Variants in CDK5RAP2 observed in about 807,000 individuals in gnomAD.
CDK5RAP2 encodes the protein CDK5 regulatory subunit associated protein 2.
CDK5RAP2 carries 147 observed loss-of-function variants against 232.9 expected under a neutral mutation model. The observed-to-expected ratio is 0.63, with a 90% confidence interval of 0.55 to 0.72. The LOEUF is 0.72. Among genes scored for constraint, CDK5RAP2 ranks in the 30% least tolerant of loss-of-function variants. The pLI is 0.00. For synonymous variants in CDK5RAP2, 833 were observed against 833.7 expected, an observed-to-expected ratio of 1.00 and a Z score of 0.01; for missense variants, 2,195 against 2,231.5, an observed-to-expected ratio of 0.98 and a Z score of 0.33.
chr9:120,465,149 A>G (rs982006548), intron 18 of CDK5RAP2, among the ~76,000 whole-genome samples: 1 of 152,202 alleles, frequency 6.6e-6, no homozygotes, highest in Non-Finnish European at 1.5e-5. Flanking sequence ...AATAGTGACT[A>G]ACCCTTTCGA....
intron 37 of CDK5RAP2, 129 bp from the exon 38 acceptor site, chr9:120,389,421 T>C (rs764363793): frequency 3.0e-4 from 227 of 757,236 alleles, no homozygotes; most frequent in Admixed American, 7.3e-4. Flanking sequence ...GGTCAGTAAA[T>C]ATTTACCTAA....
chr9:120,482,766 G>T (rs1282443082), intron 14 of CDK5RAP2, among the ~76,000 whole-genome samples: 1 of 152,300 alleles, frequency 6.6e-6, no homozygotes, highest in Non-Finnish European at 1.5e-5. Flanking sequence ...CTCAGAGACC[G>T]ATATGAATCT....
chr9:120,570,788 G>A (rs1002456729), intron 2 of CDK5RAP2, among the ~76,000 whole-genome samples: 17 of 151,720 alleles, frequency 1.1e-4, no homozygotes, highest in African/African-American at 3.6e-4. Context: ...GCAGTGAGCC[G>A]AGATCACACC....
chr9:120,566,512 C>T (rs551538011), intron 3 of CDK5RAP2, among the ~76,000 whole-genome samples: 1 of 152,288 alleles, frequency 6.6e-6, no homozygotes, highest in African/African-American at 2.4e-5. Flanking sequence ...ACTTGAATCA[C>T]ATGGCAGAGT....
chr9:120,397,548 AAAAAAAAAAAAAAAAAAGAAAAAAG>A (rs1161251925), intron 35 of CDK5RAP2, among the ~76,000 whole-genome samples: 3 of 131,786 alleles, frequency 2.3e-5, no homozygotes, highest in South Asian at 2.3e-4. Flanking sequence ...CATTCTTAAA[AAAAAAAAAAAAAAAAAAGAAAAAAG>A]AAAAAAAAAA....
intron 1 of CDK5RAP2, among the ~76,000 whole-genome samples, chr9:120,575,161 C>T (rs974267371): frequency 6.6e-6 from 1 of 152,136 alleles, no homozygotes; most frequent in Admixed American, 6.5e-5. Context: ...AAGCGATTCT[C>T]GTGCCTCAGC....
rs992914534 is a variant in CDK5RAP2, at chr9:120,455,217, G to A, written c.2376-1344C>T. 3.9e-5 allele frequency among the ~76,000 whole-genome samples: 6 copies of A among 152,114 alleles called. No individual in the cohort carries two copies. In the East Asian group the frequency reaches 5.8e-4, roughly 15 times the overall value. On this transcript the variant is annotated intron_variant, in intron 20 of 37. Transcript: ENST00000349780. ...TGGGGGTGGCAGGGAGAACAACAGC[G>A]GAGGGCTTCTAACATCAGTGAGAGG...
intron 24 of CDK5RAP2, among the ~76,000 whole-genome samples, chr9:120,437,824 T>A (rs1340258243): frequency 6.6e-6 from 1 of 152,178 alleles, no homozygotes; most frequent in African/African-American, 2.4e-5. Context: ...TCTTCAAAAA[T>A]ACTATTCTGA....
At chr9:120,458,359 C>T (rs774174475) in intron 20 of CDK5RAP2, 91 bp downstream of exon 20, 46 of 1,262,180 alleles carry the variant, frequency 3.6e-5, no homozygotes, top group Non-Finnish European at 5.1e-5. Context: ...AGGTAAATTA[C>T]ACAGCACGAT....
At chr9:120,539,995 T>G (rs1477763717) in intron 5 of CDK5RAP2, among the ~76,000 whole-genome samples, 2 of 152,170 alleles carry the variant, frequency 1.3e-5, no homozygotes, top group Non-Finnish European at 2.9e-5. Context: ...TCAGGATCAA[T>G]CTGTTTGCGC....
intron 5 of CDK5RAP2, among the ~76,000 whole-genome samples, chr9:120,545,364 A>G (rs1313500509): frequency 6.6e-6 from 1 of 152,218 alleles, no homozygotes; most frequent in Non-Finnish European, 1.5e-5. Context: ...AGGCAGAACT[A>G]ACAGTGGTCA....
At chr9:120,520,119 AT>A (rs1489645755) in intron 11 of CDK5RAP2, among the ~76,000 whole-genome samples, 3 of 152,146 alleles carry the variant, frequency 2.0e-5, no homozygotes, top group Non-Finnish European at 4.4e-5. Flanking sequence ...TTAAATTATT[AT>A]TTTTTCCTTC....
intron 18 of CDK5RAP2, among the ~76,000 whole-genome samples, chr9:120,462,214 A>G (rs2037130344): frequency 6.6e-6 from 1 of 152,258 alleles, no homozygotes; most frequent in Non-Finnish European, 1.5e-5. Context: ...CTAGACGTGC[A>G]TAAATATACC....
chr9:120,431,197 G>A (rs1305891531), intron 25 of CDK5RAP2, among the ~76,000 whole-genome samples: 2 of 152,122 alleles, frequency 1.3e-5, no homozygotes, highest in African/African-American at 2.4e-5. Context: ...CACCAGCATG[G>A]CACATGTATA....
At chr9:120,542,678 C>G (rs1003666853) in intron 5 of CDK5RAP2, among the ~76,000 whole-genome samples, 4 of 152,172 alleles carry the variant, frequency 2.6e-5, no homozygotes, top group Non-Finnish European at 4.4e-5. Context: ...CCAGATGTGA[C>G]CTTCCTGGCT....
intron 27 of CDK5RAP2, among the ~76,000 whole-genome samples, chr9:120,417,344 G>A (rs185457346): frequency 6.0e-5 from 9 of 149,670 alleles, no homozygotes; most frequent in Non-Finnish European, 8.9e-5. Flanking sequence ...AACTTCTGGC[G>A]CCCACGGCAC....
chr9:120,476,944 C>T (rs955383717), intron 15 of CDK5RAP2, among the ~76,000 whole-genome samples: 1 of 152,192 alleles, frequency 6.6e-6, no homozygotes, highest in East Asian at 1.9e-4. Context: ...ATCTGTGTGA[C>T]TTTGAGCAAG....
chr9:120,533,564 C>T (rs191401976), intron 7 of CDK5RAP2, among the ~76,000 whole-genome samples: 19 of 152,122 alleles, frequency 1.2e-4, no homozygotes, highest in Admixed American at 9.8e-4. Flanking sequence ...CTTTGAGAGG[C>T]CGGCAAATCA....
At chr9:120,536,342 G>T (rs2041383521) in intron 7 of CDK5RAP2, 30 bp downstream of exon 7, 1 of 1,611,860 alleles carries the variant, frequency 6.2e-7, no homozygotes, top group Non-Finnish European at 8.5e-7. Flanking sequence ...ATAATGTGAT[G>T]TCAGGGTATG....
Sources: gnomAD v4.1 joint callset for allele counts (sites outside exome capture counted in the v4.1 genomes callset) on GRCh38, gnomAD v4.1.1 for gene constraint, MANE v1.5 for transcripts, NCBI Gene and HGNC (gene_info 2026-07-23, HGNC 2026-07-21) for gene names.